IGSF9B: variants seen among roughly 807,000 people sequenced by gnomAD.
IGSF9B encodes the protein immunoglobulin superfamily member 9B, also known as protein turtle homolog B.
Under a neutral mutation model 143.7 loss-of-function variants are expected in IGSF9B, and 48 were observed. The ratio of observed to expected loss-of-function variants is 0.33; its 90% CI spans 0.26 to 0.42. The LOEUF is 0.42. IGSF9B is among the 20% of genes least tolerant of loss of function. The pLI, the probability that IGSF9B is intolerant of heterozygous loss-of-function variation, is 1.00. For synonymous variants in IGSF9B, 903 were observed against 833.1 expected, an observed-to-expected ratio of 1.08 and a Z score of -1.44; for missense variants, 1,706 against 1,980.0, an observed-to-expected ratio of 0.86 and a Z score of 2.63.
intron 5 of IGSF9B, 46 bp downstream of exon 5, chr11:133,937,330 C>A (rs776221281): frequency 7.0e-7 from 1 of 1,425,198 alleles, no homozygotes. Context: ...GGCTGGACAT[C>A]CCCGCGGGAG....
At chr11:133,914,880 T>C (rs938783302) in intron 18 of IGSF9B, among the ~76,000 whole-genome samples, 13 of 152,190 alleles carry the variant, frequency 8.5e-5, no homozygotes, top group African/African-American at 2.7e-4. Flanking sequence ...TTTAGGAAGG[T>C]GACCATGTTT....
Position 133,931,389 on chromosome 11 carries a change from C to A in IGSF9B, c.1368+64G>T. ...CTCGCTGGGCCCTCAAACCTCCCCGCAGCCCCAGGGCTCCCTGGGCCCTCA... is the reference window on the plus strand; with the variant it reads ...CTCGCTGGGCCCTCAAACCTCCCCGAAGCCCCAGGGCTCCCTGGGCCCTCA... On this transcript the variant is annotated intron_variant, in intron 10 of 19. Transcript: ENST00000533871. The surrounding 1 kb of genome is among the most constrained non-coding windows in gnomAD (Gnocchi z 7.7). 3 of 1,230,092 alleles carry A rather than the reference C, an allele frequency of 2.4e-6. No homozygotes were observed. Among genetic ancestry groups the A allele is most frequent in the Non-Finnish European group, 2.3e-6 (2 of 857,848 alleles). 76.2% of individuals were successfully genotyped at this position (1,230,092 alleles called of 1,614,324 possible). A position where few individuals can be genotyped will look rare whatever the true frequency, so the allele number is the denominator to read the frequency against.
At position 133,931,431 on chromosome 11, in the gene IGSF9B, C is replaced by T. The variant is rs765991870; in HGVS notation, c.1368+22G>A. On this transcript the variant is annotated intron_variant, in intron 10 of 19. Transcript: ENST00000533871. The surrounding 1 kb of genome is among the most constrained non-coding windows in gnomAD (Gnocchi z 7.7). The stretch of plus-strand genomic sequence containing the variant: ...GGGCCCTCACACCTCCCTGCAGACC[C>T]AGGGCTCCAGGGCCCAGGTACCTTT... The T allele has an allele frequency of 8.2e-5, 128 of 1,562,472 alleles. No homozygotes were observed. The highest frequency in any genetic ancestry group is 1.1e-4 in the Non-Finnish European group (124 of 1,135,284).
At chr11:133,950,322 G>T (rs1005851337) in intron 1 of IGSF9B, among the ~76,000 whole-genome samples, 3 of 152,230 alleles carry the variant, frequency 2.0e-5, no homozygotes, top group African/African-American at 7.2e-5. Flanking sequence ...TGGCATGCAA[G>T]CCTCGCGTGC....
chr11:133,920,417 C>A lies in IGSF9B; in HGVS notation c.3308G>T (p.Trp1103Leu). ...GILSLEAPKG[W>L]AGKSPGRGPV... ...GCCCCTGCCGGGCGACTTGCCTGCC[C>A]AACCCTTCGGTGCCTCCAGAGACAG... The change falls in exon 18 of 20, where the codon TGG (tryptophan) becomes TTG (leucine). Residue 1103 changes from tryptophan (W) to leucine (L), a missense_variant. Around this residue, in one of 7 missense-constraint regions of IGSF9B, gnomAD observed 880 missense variants for 762.9 expected, o/e 1.15. Transcript: ENST00000533871. The A allele has an allele frequency of 6.3e-7, 1 of 1,586,914 alleles. No homozygotes were observed. The highest frequency in any genetic ancestry group is 8.6e-7 in the Non-Finnish European group (1 of 1,168,504).
intron 18 of IGSF9B, among the ~76,000 whole-genome samples, chr11:133,916,859 C>T (rs1939392728): frequency 6.6e-6 from 1 of 152,076 alleles, no homozygotes; most frequent in Non-Finnish European, 1.5e-5. Context: ...GGTGGAAGAC[C>T]AGTGGGTCTC....
chr11:133,926,065 A>G (rs1939620381), intron 13 of IGSF9B, 100 bp from the exon 14 acceptor site: 1 of 863,538 alleles, frequency 1.2e-6, no homozygotes, highest in Non-Finnish European at 1.9e-6. Context: ...CCCAGAGGGA[A>G]GCAGAGTCAG....
chr11:133,945,445 C>T lies in IGSF9B; in HGVS notation c.262+616G>A, dbSNP rs1033794361. Among the ~76,000 whole-genome samples the T allele has an allele frequency of 3.3e-5, 5 of 152,208 alleles. No homozygotes were observed. Among genetic ancestry groups the T allele is most frequent in the Admixed American group, 6.5e-5 (1 of 15,290 alleles). On this transcript the variant is annotated intron_variant, in intron 2 of 19. Coordinates refer to ENST00000533871, the MANE Select transcript of IGSF9B (RefSeq NM_001277285.4). The surrounding 1 kb of genome is among the most constrained non-coding windows in gnomAD (Gnocchi z 4.6). ...CCTCCCTTCCTTTCAACCCCAACAACGCTCGCTCAATGACACGCACACGCA... is the reference window on the plus strand; with the variant it reads ...CCTCCCTTCCTTTCAACCCCAACAATGCTCGCTCAATGACACGCACACGCA...
At chr11:133,929,589 C>T (rs376180977) in intron 12 of IGSF9B, 82 bp downstream of exon 12, 22 of 1,031,236 alleles carry the variant, frequency 2.1e-5, no homozygotes, top group South Asian at 6.8e-5. Flanking sequence ...TACCTCCCCC[C>T]ACCCGGGGTA....
intron 18 of IGSF9B, among the ~76,000 whole-genome samples, chr11:133,917,832 C>T (rs1186693112): frequency 6.6e-6 from 1 of 151,890 alleles, no homozygotes; most frequent in South Asian, 2.1e-4. Context: ...GAATAGGGTG[C>T]GGGGGGGCTC....
rs184855650 is a variant in IGSF9B, at chr11:133,936,946, C to T, written c.679+430G>A. Among the ~76,000 whole-genome samples, 3 of 152,346 alleles carry T rather than the reference C, an allele frequency of 2.0e-5. No homozygotes were observed. In the East Asian group the frequency reaches 5.8e-4, roughly 29 times the overall value. ...CTCCCTGTGCTGACCATACAGACCC[C>T]AGCTCTGCCAAATGCCCACTGTGTT... On this transcript the variant is annotated intron_variant, in intron 5 of 19. Transcript: ENST00000533871.
chr11:133,925,047 T>C lies in IGSF9B; in HGVS notation c.2035-143A>G, dbSNP rs1034428360. 4 of 677,802 alleles carry C rather than the reference T, an allele frequency of 5.9e-6. No individual in the cohort carries two copies. In the African/African-American group the frequency reaches 7.1e-5, roughly 12 times the overall value. The allele number at this position is 677,802 out of a possible 1,614,324, so 42.0% of individuals were successfully genotyped here. ...CTGCTAAGTGTCTAATGCTAAGCGA[T>C]GGTAGCACTGGCCAATTGCTGTGGT... On this transcript the variant is annotated intron_variant, in intron 14 of 19. Transcript: ENST00000533871.
intron 1 of IGSF9B, 112 bp downstream of exon 1, chr11:133,956,579 C>T: frequency 1.4e-6 from 1 of 690,242 alleles, no homozygotes; most frequent in Non-Finnish European, 2.4e-6. Flanking sequence ...CGGGAAGGCG[C>T]GCCGGGGAGC....
At chr11:133,947,993 C>G (rs1258047145) in intron 1 of IGSF9B, among the ~76,000 whole-genome samples, 1 of 151,946 alleles carries the variant, frequency 6.6e-6, no homozygotes, top group Non-Finnish European at 1.5e-5. Context: ...AGCTCTTGCT[C>G]TGTGTGGGTG....
At position 133,920,564 on chromosome 11, in the gene IGSF9B, G is replaced by C. The variant is rs753417349; in HGVS notation, c.3161C>G (p.Ala1054Gly). Residue 1054 changes from alanine to glycine, a missense_variant, in exon 18 of 20, where the codon GCG (alanine) becomes GGG (glycine). Physicochemically the swap from Ala to Gly is moderately conservative, Grantham distance 60. Coordinates refer to ENST00000533871, the MANE Select transcript of IGSF9B (RefSeq NM_001277285.4). ...TGGCAGCTGGTGGGGGAACATCATC[G>C]CTGGGGTCTCCAGCCCCCCGAAGGG... The part of the protein sequence containing the change: ...EFPFGGLETP[A>G]MMFPHQLPPC... 1 of 1,613,072 alleles carries C rather than the reference G, an allele frequency of 6.2e-7. No homozygotes were observed. Among genetic ancestry groups the C allele is most frequent in the East Asian group, 2.2e-5 (1 of 44,838 alleles).
Position 133,896,854 on chromosome 11 carries a change from G to A in IGSF9B, c.*12215C>T, listed in dbSNP as rs1469780744. On this transcript the variant is annotated 3_prime_UTR_variant, in exon 20 of 20. Coordinates refer to ENST00000533871, the MANE Select transcript of IGSF9B (RefSeq NM_001277285.4). ...TCACCATCATCAGCAGCCAGGGCAG[G>A]CGTCTATTGCTTAGGGCCGTAGAGC... The A allele has an allele frequency of 6.6e-6, 1 of 152,378 alleles. No homozygotes were observed. The highest frequency in any genetic ancestry group is 1.5e-5 in the Non-Finnish European group (1 of 68,178). 9.4% of individuals were successfully genotyped at this position (152,378 alleles called of 1,614,324 possible).
rs1939326530 is a variant in IGSF9B, at chr11:133,913,164, A to T, written c.3984-1157T>A. Among the ~76,000 whole-genome samples the T allele has an allele frequency of 6.6e-6, 1 of 152,166 alleles. No homozygotes were observed. Among genetic ancestry groups the T allele is most frequent in the South Asian group, 2.1e-4 (1 of 4,818 alleles). On this transcript the variant is annotated intron_variant, in intron 18 of 19. Transcript: ENST00000533871. The surrounding 1 kb of genome is among the most constrained non-coding windows in gnomAD (Gnocchi z 4.6). The stretch of plus-strand genomic sequence containing the variant: ...AGAGAAGCAGGGACGCTCTGGGGCC[A>T]CGGCGGACAGGCGTGCCTCGCTCTT...
intron 3 of IGSF9B, among the ~76,000 whole-genome samples, chr11:133,940,767 G>A (rs927100528): frequency 8.6e-5 from 13 of 152,028 alleles, no homozygotes; most frequent in East Asian, 1.9e-4. Flanking sequence ...CCTCACACGC[G>A]TCATCACATG....
At chr11:133,925,534 A>C (rs529230085) in intron 14 of IGSF9B, among the ~76,000 whole-genome samples, 2 of 152,228 alleles carry the variant, frequency 1.3e-5, no homozygotes, top group South Asian at 4.1e-4. Context: ...GCTGCCCCAG[A>C]GCTGGCCCCG....
Sources: gnomAD v4.1 joint callset for allele counts (sites outside exome capture counted in the v4.1 genomes callset) on GRCh38, gnomAD v4.1.1 for gene constraint, gnomAD v4.1.1 regional missense constraint, Gnocchi (gnomAD v3.1) non-coding constraint, MANE v1.5 for transcripts, NCBI Gene and HGNC (gene_info 2026-07-23, HGNC 2026-07-21) for gene names.